Variants in SLC35F3 observed in about 807,000 individuals in gnomAD.
The protein encoded by SLC35F3 is solute carrier family 35 member F3.
In SLC35F3, 25 loss-of-function variants were observed where a neutral mutation model predicts 49.9. That is an observed-to-expected ratio of 0.50 (90% CI 0.37 to 0.70). The LOEUF is 0.70. SLC35F3 is among the 30% of genes least tolerant of loss of function. The pLI is 0.00. For synonymous variants in SLC35F3, 275 were observed against 265.4 expected, an observed-to-expected ratio of 1.04 and a Z score of -0.35; for missense variants, 525 against 639.8, an observed-to-expected ratio of 0.82 and a Z score of 1.94.
intron 3 of SLC35F3, among the ~76,000 whole-genome samples, chr1:234,235,585 C>G (rs1276557383): frequency 6.6e-6 from 1 of 152,234 alleles, no homozygotes; most frequent in Non-Finnish European, 1.5e-5. Flanking sequence ...TCAGTCTTGT[C>G]CAAAGGTCTT....
At chr1:234,197,929 C>T (rs143174844) in intron 2 of SLC35F3, among the ~76,000 whole-genome samples, 1 of 152,312 alleles carries the variant, frequency 6.6e-6, no homozygotes, top group African/African-American at 2.4e-5. Context: ...TTATTCTTGA[C>T]AAGATCAAAT....
intron 2 of SLC35F3, among the ~76,000 whole-genome samples, chr1:234,007,116 G>A (rs1663641892): frequency 6.6e-6 from 1 of 152,086 alleles, no homozygotes; most frequent in Non-Finnish European, 1.5e-5. Context: ...AACAGATGGT[G>A]GGCTGGATTT....
chr1:234,016,257 A>T (rs947628166), intron 2 of SLC35F3, among the ~76,000 whole-genome samples: 2 of 152,194 alleles, frequency 1.3e-5, no homozygotes, highest in Admixed American at 6.5e-5. Context: ...TGAAAAAGTT[A>T]AAAATAGAAT....
At chr1:233,993,296 A>C (rs1037991996) in intron 2 of SLC35F3, among the ~76,000 whole-genome samples, 5 of 152,104 alleles carry the variant, frequency 3.3e-5, no homozygotes, top group African/African-American at 1.2e-4. Context: ...CTCAGTGAGC[A>C]TGAGATGGTC....
intron 2 of SLC35F3, among the ~76,000 whole-genome samples, chr1:234,032,849 A>G (rs986984512): frequency 1.3e-5 from 2 of 152,160 alleles, no homozygotes; most frequent in African/African-American, 4.8e-5. Flanking sequence ...CTTTTTTCAT[A>G]TAATGACTTC....
At chr1:234,099,756 C>A (rs1009801239) in intron 2 of SLC35F3, among the ~76,000 whole-genome samples, 1 of 152,148 alleles carries the variant, frequency 6.6e-6, no homozygotes, top group African/African-American at 2.4e-5. Context: ...GTGATGCACC[C>A]TGCACAATGA....
chr1:234,126,784 C>A (rs1304827086), intron 2 of SLC35F3, among the ~76,000 whole-genome samples: 3 of 152,184 alleles, frequency 2.0e-5, no homozygotes, highest in Non-Finnish European at 4.4e-5. Flanking sequence ...CAGCCTTGAA[C>A]TCCTGGGCTC....
chr1:233,938,593 C>T (rs775421725), intron 2 of SLC35F3, among the ~76,000 whole-genome samples: 5 of 151,578 alleles, frequency 3.3e-5, no homozygotes, highest in African/African-American at 7.3e-5. Flanking sequence ...AGTGAGAAGA[C>T]GAAGAGCTAA....
intron 2 of SLC35F3, among the ~76,000 whole-genome samples, chr1:234,058,064 A>T (rs551505340): frequency 6.6e-6 from 1 of 152,226 alleles, no homozygotes; most frequent in Admixed American, 6.5e-5. Context: ...GTTAAATATA[A>T]TATTTGTTAT....
intron 2 of SLC35F3, among the ~76,000 whole-genome samples, chr1:234,042,449 A>G (rs1664234773): frequency 6.6e-6 from 1 of 152,210 alleles, no homozygotes; most frequent in African/African-American, 2.4e-5. Context: ...GCAACTACTG[A>G]TGTAAAAAGA....
At chr1:234,297,448 T>C (rs924818517) in intron 3 of SLC35F3, among the ~76,000 whole-genome samples, 9 of 152,234 alleles carry the variant, frequency 5.9e-5, no homozygotes, top group Non-Finnish European at 8.8e-5. Context: ...TGTAATACTA[T>C]TCAGCCTTAC....
At chr1:234,059,834 CG>C (rs1664515111) in intron 2 of SLC35F3, among the ~76,000 whole-genome samples, 1 of 152,150 alleles carries the variant, frequency 6.6e-6, no homozygotes, top group African/African-American at 2.4e-5. Context: ...GCATCCAGCA[CG>C]GGAGAAAGAT....
intron 2 of SLC35F3, among the ~76,000 whole-genome samples, chr1:234,155,398 T>TGATGATGATGATG (rs59320767): frequency 0.19 from 27,127 of 145,066 alleles, 4,218 homozygotes; most frequent in East Asian, 0.85. Flanking sequence ...TTCACCTGAT[T>TGATGATGATGATG]ATTATTATTA....
Position 234,155,792 on chromosome 1 carries a change from A to C in SLC35F3, c.284-75625A>C, listed in dbSNP as rs78279138. On this transcript the variant is annotated intron_variant, in intron 2 of 7. Coordinates refer to ENST00000366618, the MANE Select transcript of SLC35F3 (RefSeq NM_173508.4). ...CTTCACACAATATACCAAAAAAAAA[A>C]CCCCAAAAACAAAAACCAATAGGGT... is the stretch of plus-strand genomic sequence containing the variant. 8.3e-3 allele frequency among the ~76,000 whole-genome samples: 1,251 copies of C among 150,964 alleles called. 24 individuals carry two copies. The highest frequency in any genetic ancestry group is 0.027 in the African/African-American group (1,120 of 41,302).
At chr1:234,300,630 T>G (rs1485640148) in intron 3 of SLC35F3, among the ~76,000 whole-genome samples, 2 of 152,202 alleles carry the variant, frequency 1.3e-5, no homozygotes, top group African/African-American at 2.4e-5. Flanking sequence ...CTGTACACTA[T>G]GATGAGGAAG....
intron 2 of SLC35F3, among the ~76,000 whole-genome samples, chr1:234,093,894 C>T (rs1176957804): frequency 6.6e-6 from 1 of 152,266 alleles, no homozygotes; most frequent in Non-Finnish European, 1.5e-5. Context: ...AACTGGAACA[C>T]TCTTGGAGAG....
intron 2 of SLC35F3, among the ~76,000 whole-genome samples, chr1:234,137,456 T>C (rs1665828282): frequency 6.6e-6 from 1 of 152,078 alleles, no homozygotes; most frequent in Non-Finnish European, 1.5e-5. Context: ...GAAGAGCACA[T>C]AGAGCTTGTG....
chr1:234,249,602 G>A (rs556403987), intron 3 of SLC35F3, among the ~76,000 whole-genome samples: 3 of 152,292 alleles, frequency 2.0e-5, no homozygotes, highest in Admixed American at 2.0e-4. Flanking sequence ...AAGTGAGATT[G>A]ACTGCCCCAC....
chr1:234,259,975 G>T (rs920622239), intron 3 of SLC35F3, among the ~76,000 whole-genome samples: 1 of 151,984 alleles, frequency 6.6e-6, no homozygotes, highest in Non-Finnish European at 1.5e-5. Flanking sequence ...ACTGCCCCTC[G>T]TAGTTTTCTG....
Sources: allele counts gnomAD v4.1 joint callset (sites outside exome capture counted in the v4.1 genomes callset), GRCh38; gene constraint gnomAD v4.1.1; transcripts MANE v1.5; gene names NCBI Gene and HGNC (gene_info 2026-07-23, HGNC 2026-07-21).